CRYBB2: variants seen among roughly 807,000 people sequenced by gnomAD.
CRYBB2 encodes crystallin beta B2.
CRYBB2 carries 12 observed loss-of-function variants against 24.3 expected under a neutral mutation model. The ratio of observed to expected loss-of-function variants is 0.49; its 90% CI spans 0.32 to 0.80. The LOEUF is 0.80. Ranked by LOEUF, CRYBB2 falls within the 30% of genes least tolerant of loss-of-function variation. The probability of loss-of-function intolerance (pLI) is 0.04; values close to 1 mark genes in which losing one functional copy is unlikely to be tolerated. For missense variants in CRYBB2, 198 were observed against 268.5 expected (o/e 0.74, Z 1.83); for synonymous variants, 98 against 101.6 (o/e 0.96, Z 0.21).
At chr22:25,221,164 GCT>G (rs1935313175) in intron 1 of CRYBB2, among the ~76,000 whole-genome samples, 1 of 152,148 alleles carries the variant, frequency 6.6e-6, no homozygotes, top group African/African-American at 2.4e-5. Flanking sequence ...GTTTATTACT[GCT>G]CTCTTTCTTT....
exon 1 of CRYBB2, chr22:25,212,681 C>A (rs1935120546): frequency 6.6e-6 from 1 of 152,196 alleles, no homozygotes; most frequent in Non-Finnish European, 1.5e-5. Flanking sequence ...CCACTTCCAC[C>A]AGCCAGCATC....
At chr22:25,218,779 GAAGA>G (rs1168197356), upstream of CRYBB2, among the ~76,000 whole-genome samples, 1,016 of 34,402 alleles carry the variant, frequency 0.03, 31 homozygotes, top group Non-Finnish European at 0.036. Flanking sequence ...GAGAGAGAGA[GAAGA>G]AAGAAAGAAA....
chr22:25,218,814 GAA>G (rs1196197389), upstream of CRYBB2, among the ~76,000 whole-genome samples: 1 of 126,336 alleles, frequency 7.9e-6, no homozygotes, highest in East Asian at 2.6e-4. Flanking sequence ...AAGAAAGAAA[GAA>G]AGAAAGAAAG....
Position 25,226,153 on chromosome 22 carries a change from T to A in CRYBB2, c.173+1117T>A, listed in dbSNP as rs548274225. On this transcript the variant is annotated intron_variant, in intron 3 of 5. Transcript: ENST00000398215. ...AGTAACCATTATTAAGATTTTGGTA[T>A]GAATTTGGATTTCTCTGTGTGTGTG... Among the ~76,000 whole-genome samples the A allele has an allele frequency of 3.3e-4, 49 of 146,428 alleles. No homozygotes were observed. In the South Asian group the frequency reaches 0.011, roughly 33 times the overall value.
chr22:25,224,935 G>A lies in CRYBB2; in HGVS notation c.72G>A (p.Gln24=). 3 of 1,600,966 alleles carry A rather than the reference G, an allele frequency of 1.9e-6. No homozygotes were observed. Among genetic ancestry groups the A allele is most frequent in the Non-Finnish European group, 2.6e-6 (3 of 1,167,956 alleles). The change falls in exon 3 of 6, where the codon CAG becomes CAA. Residue 24 remains glutamine, a synonymous_variant. Transcript: ENST00000398215. The stretch of plus-strand genomic sequence containing the variant: ...TCTTGCAGATCATCATCTTTGAGCA[G>A]GAAAACTTTCAAGGCCACTCGCATG... ...SLNPKIIIFE[Q]ENFQGHSHEL...
chr22:25,222,689 G>C (rs1935342075), intron 2 of CRYBB2, among the ~76,000 whole-genome samples: 1 of 152,166 alleles, frequency 6.6e-6, no homozygotes, highest in African/African-American at 2.4e-5. Context: ...AAAGCAAGAA[G>C]CTCTGTCCAC....
At chr22:25,218,618 A>G (rs111239368), upstream of CRYBB2, among the ~76,000 whole-genome samples, 54,702 of 149,108 alleles carry the variant, frequency 0.37, 10,770 homozygotes, top group African/African-American at 0.51. Context: ...GTGAGCCGAG[A>G]TCACACCACT....
At chr22:25,224,569 A>G (rs1935379118) in intron 2 of CRYBB2, among the ~76,000 whole-genome samples, 1 of 151,984 alleles carries the variant, frequency 6.6e-6, no homozygotes, top group African/African-American at 2.4e-5. Context: ...GGGTCTTCCC[A>G]TCTTGCCCAG....
chr22:25,218,779 G>GAGAGAGAGAGAAGAAAGA, upstream of CRYBB2, among the ~76,000 whole-genome samples: 1 of 34,532 alleles, frequency 2.9e-5, no homozygotes, highest in Non-Finnish European at 5.3e-5. Context: ...GAGAGAGAGA[G>GAGAGAGAGAGAAGAAAGA]AAGAAAGAAA....
At chr22:25,228,712 C>G (rs1351105700) in intron 4 of CRYBB2, among the ~76,000 whole-genome samples, 1 of 152,250 alleles carries the variant, frequency 6.6e-6, no homozygotes, top group Non-Finnish European at 1.5e-5. Context: ...CGTCATTTGA[C>G]CTCTCTGTGC....
chr22:25,215,481 T>G (rs1191832956), upstream of CRYBB2, among the ~76,000 whole-genome samples: 3 of 152,212 alleles, frequency 2.0e-5, no homozygotes, highest in African/African-American at 7.2e-5. Context: ...TGTTCGAGGC[T>G]CTCAGCTCTG....
intron 3 of CRYBB2, among the ~76,000 whole-genome samples, chr22:25,225,499 T>C (rs1318126666): frequency 6.6e-6 from 1 of 151,578 alleles, no homozygotes; most frequent in Non-Finnish European, 1.5e-5. Context: ...TCCCGAATCC[T>C]GACAATGCTG....
chr22:25,217,553 G>A (rs1220353025), upstream of CRYBB2, among the ~76,000 whole-genome samples: 3 of 152,150 alleles, frequency 2.0e-5, no homozygotes, highest in East Asian at 3.9e-4. Context: ...CCAACCTCAG[G>A]TGATCCGCCT....
intron 1 of CRYBB2, among the ~76,000 whole-genome samples, chr22:25,213,910 C>T (rs909306151): frequency 1.1e-4 from 17 of 152,116 alleles, no homozygotes; most frequent in Non-Finnish European, 2.4e-4. Flanking sequence ...TCTGTCAATA[C>T]GTATTTTCTG....
At chr22:25,225,109 A>G in intron 3 of CRYBB2, 73 bp downstream of exon 3, 1 of 860,910 alleles carries the variant, frequency 1.2e-6, no homozygotes, top group East Asian at 2.4e-5. Context: ...GGGGGAATCT[A>G]CCCTTGCTCC....
rs563773460 is a variant in CRYBB2, at chr22:25,219,811, G to A, written c.-27+145G>A. 5 of 152,336 alleles carry A rather than the reference G, an allele frequency of 3.3e-5. No individual in the cohort carries two copies. In the East Asian group the frequency reaches 9.6e-4, roughly 29 times the overall value. The allele number at this position is 152,336 out of a possible 1,614,324, so 9.4% of individuals were successfully genotyped here. A position where few individuals can be genotyped will look rare whatever the true frequency, so the allele number is the denominator to read the frequency against. ...CTCAGTTTTCTTTTCTGGTAACTGG[G>A]AAGGGGGTTAAAAAGCCTTCTTTAT... On this transcript the variant is annotated intron_variant, in intron 1 of 5. Coordinates refer to ENST00000398215, the MANE Select transcript of CRYBB2 (RefSeq NM_000496.3).
chr22:25,225,357 A>T (rs1340841378), intron 3 of CRYBB2, among the ~76,000 whole-genome samples: 1 of 152,158 alleles, frequency 6.6e-6, no homozygotes, highest in Non-Finnish European at 1.5e-5. Flanking sequence ...GAGGTCAGCC[A>T]CTTCCTCAAG....
At chr22:25,219,393 GGCTGATGCAT>G (rs1272071250), upstream of CRYBB2, 1 of 152,252 alleles carries the variant, frequency 6.6e-6, no homozygotes, top group Non-Finnish European at 1.5e-5. Context: ...GCAGCCGGAC[GGCTGATGCAT>G]GCAAAGCGGG....
chr22:25,226,547 A>G (rs762510758), intron 3 of CRYBB2, among the ~76,000 whole-genome samples: 2 of 152,224 alleles, frequency 1.3e-5, no homozygotes, highest in Non-Finnish European at 2.9e-5. Context: ...ATGATTGAAT[A>G]TGCCATATCC....
Sources: allele counts gnomAD v4.1 joint callset (sites outside exome capture counted in the v4.1 genomes callset), GRCh38; gene constraint gnomAD v4.1.1; transcripts MANE v1.5; gene names NCBI Gene and HGNC (gene_info 2026-07-23, HGNC 2026-07-21).